Variants in GPRC6A observed in about 807,000 individuals in gnomAD.
GPRC6A encodes G protein-coupled receptor family C group 6 member A.
GPRC6A carries 54 observed loss-of-function variants against 47.0 expected under a neutral mutation model. The observed-to-expected ratio is 1.15, with a 90% CI of 0.92 to 1.44. The LOEUF (loss-of-function observed/expected upper bound fraction) is 1.44, where lower values mean the gene tolerates loss of function less well. Among genes scored for constraint, GPRC6A ranks in the 40% most tolerant of loss-of-function variants. The probability of loss-of-function intolerance (pLI) is 0.00; values close to 1 mark genes in which losing one functional copy is unlikely to be tolerated. For missense variants in GPRC6A, 1,112 were observed against 1,105.5 expected (o/e 1.01, Z -0.08); for synonymous variants, 347 against 377.1 (o/e 0.92, Z 0.93).
intron 1 of GPRC6A, among the ~76,000 whole-genome samples, chr6:116,820,646 C>A (rs1463918766): frequency 4.6e-5 from 7 of 151,226 alleles, no homozygotes; most frequent in African/African-American, 9.7e-5. Context: ...AAGCCTTTGA[C>A]AAAATTCAAC....
At chr6:116,809,699 T>A in intron 1 of GPRC6A, 82 bp from the exon 2 acceptor site, 2 of 879,360 alleles carry the variant, frequency 2.3e-6, no homozygotes, top group Non-Finnish European at 3.5e-6. Context: ...CTACATCTCC[T>A]CATAGCAATT....
chr6:116,822,741 G>A (rs138107345), intron 1 of GPRC6A, among the ~76,000 whole-genome samples: 2,678 of 148,390 alleles, frequency 0.018, 54 homozygotes, highest in African/African-American at 0.053. Context: ...GGATAGCATT[G>A]GGAGATATAC....
At position 116,806,968 on chromosome 6, in the gene GPRC6A, G is replaced by C; in HGVS notation, c.737C>G (p.Pro246Arg). The C allele has an allele frequency of 4.3e-6, 7 of 1,613,476 alleles. No homozygotes were observed. Among genetic ancestry groups the C allele is most frequent in the Non-Finnish European group, 5.9e-6 (7 of 1,179,620 alleles). The change falls in exon 3 of 6, where the codon CCA becomes CGA. Residue 246 changes from proline (P) to arginine (R), a missense_variant. Coordinates refer to ENST00000310357, the MANE Select transcript of GPRC6A (RefSeq NM_148963.4). Reference protein sequence around the residue: ...NVCIAFKEVLPAFLSDNTIEV... With the variant: ...NVCIAFKEVLRAFLSDNTIEV... ...AATGGTATTATCTGAAAGAAAGGCT[G>C]GAAGAACCTCTTTGAAGGCTATGCA... is the stretch of plus-strand genomic sequence containing the variant.
rs753649779 is a variant in GPRC6A, at chr6:116,828,869, A to G, written c.145T>C (p.Leu49=). ...CGTCTGGGAGAGTCTTCTGAGGACA[A>G]CATTTTTTCATGAATAGCAAACAAA... ...GGLFAIHEKM[L]SSEDSPRRPQ... The change falls in exon 1 of 6, where the codon TTG becomes CTG. Residue 49 remains leucine (L), a synonymous_variant. Coordinates refer to ENST00000310357, the MANE Select transcript of GPRC6A (RefSeq NM_148963.4). 1.9e-6 allele frequency: 3 copies of G among 1,613,328 alleles called. No individual in the cohort carries two copies. Among genetic ancestry groups the G allele is most frequent in the South Asian group, 1.1e-5 (1 of 91,046 alleles).
At chr6:116,829,200 G>A (rs944434128), upstream of GPRC6A, 22 of 220,686 alleles carry the variant, frequency 1.0e-4, no homozygotes, top group Non-Finnish European at 1.5e-4. Context: ...AAGAACACAG[G>A]CTTTTTAACA....
At chr6:116,820,986 A>C (rs1260995944) in intron 1 of GPRC6A, among the ~76,000 whole-genome samples, 1 of 151,978 alleles carries the variant, frequency 6.6e-6, no homozygotes, top group East Asian at 1.9e-4. Context: ...AAATCTCCTT[A>C]AGCTGATAAG....
intron 1 of GPRC6A, among the ~76,000 whole-genome samples, chr6:116,815,057 G>T (rs1345209637): frequency 6.6e-6 from 1 of 152,114 alleles, no homozygotes; most frequent in African/African-American, 2.4e-5. Flanking sequence ...AACCAACACT[G>T]AAGCACCCAG....
chr6:116,825,734 C>A (rs1326451660), intron 1 of GPRC6A, among the ~76,000 whole-genome samples: 1 of 151,670 alleles, frequency 6.6e-6, no homozygotes, highest in African/African-American at 2.4e-5. Flanking sequence ...TATGGAGCAA[C>A]AACAAAAAAG....
At chr6:116,798,352 G>A (rs1772552758) in intron 4 of GPRC6A, among the ~76,000 whole-genome samples, 1 of 152,160 alleles carries the variant, frequency 6.6e-6, no homozygotes, top group African/African-American at 2.4e-5. Flanking sequence ...GGAAATAGCA[G>A]GGGCAAAGTC....
intron 1 of GPRC6A, among the ~76,000 whole-genome samples, chr6:116,815,203 C>G (rs1773166593): frequency 6.6e-6 from 1 of 152,160 alleles, no homozygotes; most frequent in Non-Finnish European, 1.5e-5. Flanking sequence ...AAACTTACGA[C>G]CAGGCATGGT....
intron 1 of GPRC6A, among the ~76,000 whole-genome samples, chr6:116,818,529 G>A (rs1333807759): frequency 1.7e-3 from 23 of 13,636 alleles, no homozygotes; most frequent in Middle Eastern, 0.17. Context: ...GCGAGACTCC[G>A]TCTAAAAAAA....
At position 116,800,813 on chromosome 6, in the gene GPRC6A, C is replaced by A. The variant is rs1354280038; in HGVS notation, c.1336-17G>T. On this transcript the variant is annotated splice_polypyrimidine_tract_variant and intron_variant, in intron 3 of 5. Coordinates refer to ENST00000310357, the MANE Select transcript of GPRC6A (RefSeq NM_148963.4). Reference sequence around the variant, plus strand: ...ACCAAGTAACTATAAAAAATAAAAACAGAGATAAGCACTTAATATAAATGT... The same window carrying A: ...ACCAAGTAACTATAAAAAATAAAAAAAGAGATAAGCACTTAATATAAATGT... 2.1e-6 allele frequency: 3 copies of A among 1,454,616 alleles called. No individual in the cohort carries two copies. Among genetic ancestry groups the A allele is most frequent in the Non-Finnish European group, 2.9e-6 (3 of 1,041,466 alleles). The allele number at this position is 1,454,616 out of a possible 1,614,324, so 90.1% of individuals were successfully genotyped here.
Position 116,798,466 on chromosome 6 carries a change from A to G in GPRC6A, c.1548+2118T>C, listed in dbSNP as rs1772555873. Among the ~76,000 whole-genome samples the G allele has an allele frequency of 1.3e-5, 2 of 152,104 alleles. 1 individual carries two copies. Among genetic ancestry groups the G allele is most frequent in the Admixed American group, 1.3e-4 (2 of 15,266 alleles). ...GGGTGGGAGATAAGGTCAGGTTCGTACTGGGGGTAGGTTGTGTAGAATTTT... is the reference window on the plus strand; with the variant it reads ...GGGTGGGAGATAAGGTCAGGTTCGTGCTGGGGGTAGGTTGTGTAGAATTTT... On this transcript the variant is annotated intron_variant, in intron 4 of 5. Transcript: ENST00000310357.
rs1772546100 is a variant in GPRC6A, at chr6:116,798,162, G to A, written c.1549-2327C>T. Among the ~76,000 whole-genome samples the A allele has an allele frequency of 2.0e-5, 3 of 152,302 alleles. No homozygotes were observed. In the South Asian group the frequency reaches 6.2e-4, roughly 32 times the overall value. On this transcript the variant is annotated intron_variant, in intron 4 of 5. Transcript: ENST00000310357. Reference sequence around the variant, plus strand: ...AGCAAAATGTACAGAATGACAGAAAGTTATAAGTGTTAAGGAGAAAAATAA... The same window carrying A: ...AGCAAAATGTACAGAATGACAGAAAATTATAAGTGTTAAGGAGAAAAATAA...
At chr6:116,816,820 T>C (rs1415465487) in intron 1 of GPRC6A, among the ~76,000 whole-genome samples, 4 of 152,182 alleles carry the variant, frequency 2.6e-5, no homozygotes, top group Non-Finnish European at 4.4e-5. Flanking sequence ...AATACTGCGC[T>C]TTTCTGACAG....
At position 116,828,242 on chromosome 6, in the gene GPRC6A, A is replaced by G. The variant is rs73559572; in HGVS notation, c.194+578T>C. ...ACCCAGCTTTACTTTTCCACATTAT[A>G]CTGTGCCAGTGAAATGTCTTTCTCA... is the stretch of plus-strand genomic sequence containing the variant. On this transcript the variant is annotated intron_variant, in intron 1 of 5. Coordinates refer to ENST00000310357, the MANE Select transcript of GPRC6A (RefSeq NM_148963.4). Among the ~76,000 whole-genome samples, 1,426 of 152,230 alleles carry G rather than the reference A, an allele frequency of 9.4e-3. 19 individuals carry two copies. The highest frequency in any genetic ancestry group is 0.032 in the African/African-American group (1,350 of 41,544).
intron 1 of GPRC6A, among the ~76,000 whole-genome samples, chr6:116,827,183 T>C (rs891180204): frequency 2.0e-5 from 3 of 151,958 alleles, no homozygotes; most frequent in Admixed American, 6.6e-5. Context: ...GATATTTCAA[T>C]GTAGCTAGAA....
chr6:116,798,307 C>A (rs1434648356), intron 4 of GPRC6A, among the ~76,000 whole-genome samples: 1 of 152,066 alleles, frequency 6.6e-6, no homozygotes, highest in Non-Finnish European at 1.5e-5. Context: ...AGAAAATTAA[C>A]CACATGAACA....
chr6:116,795,614 A>AT (rs1554262039), intron 5 of GPRC6A, 98 bp downstream of exon 5: 1 of 1,044,826 alleles, frequency 9.6e-7, no homozygotes, highest in Non-Finnish European at 1.3e-6. Flanking sequence ...AGCTTTTTAA[A>AT]TTTTTTCAAA....
Sources: gnomAD v4.1 joint callset for allele counts (sites outside exome capture counted in the v4.1 genomes callset) on GRCh38, gnomAD v4.1.1 for gene constraint, MANE v1.5 for transcripts, NCBI Gene and HGNC (gene_info 2026-07-23, HGNC 2026-07-21) for gene names.